THSD4: variants seen among roughly 807,000 people sequenced by gnomAD.
The protein encoded by THSD4 is thrombospondin type 1 domain containing 4.
A neutral mutation model predicts 119.0 loss-of-function variants in THSD4; 69 were observed. The ratio of observed to expected loss-of-function variants is 0.58; its 90% CI spans 0.48 to 0.71. The LOEUF (loss-of-function observed/expected upper bound fraction) is 0.71, where lower values mean the gene tolerates loss of function less well. Among genes scored for constraint, THSD4 ranks in the 30% least tolerant of loss-of-function variants. The pLI is 0.00. For missense variants in THSD4, 1,393 were observed against 1,391.1 expected (o/e 1.00, Z -0.02); for synonymous variants, 524 against 540.4 (o/e 0.97, Z 0.42).
intron 7 of THSD4, among the ~76,000 whole-genome samples, chr15:71,624,274 A>G (rs1567068069): frequency 6.6e-6 from 1 of 152,238 alleles, no homozygotes; most frequent in Non-Finnish European, 1.5e-5. Context: ...AAGCAGTCCT[A>G]TGTGGGGGAT....
intron 7 of THSD4, among the ~76,000 whole-genome samples, chr15:71,541,973 T>C (rs1401528156): frequency 3.3e-5 from 5 of 152,160 alleles, no homozygotes; most frequent in Non-Finnish European, 7.3e-5. Flanking sequence ...TTGCAAACAG[T>C]CTTGTAATTG....
intron 3 of THSD4, chr15:71,186,234 G>C (rs2043601500): frequency 6.6e-6 from 1 of 152,202 alleles, no homozygotes; most frequent in East Asian, 1.9e-4. Flanking sequence ...ATGATTCTGG[G>C]ATGAGGAATA....
intron 6 of THSD4, among the ~76,000 whole-genome samples, chr15:71,392,083 G>C (rs543431967): frequency 6.6e-6 from 1 of 152,224 alleles, no homozygotes; most frequent in Admixed American, 6.5e-5. Context: ...AGCTCAGAAG[G>C]GCTCTGACGA....
intron 6 of THSD4, among the ~76,000 whole-genome samples, chr15:71,324,100 A>T (rs528989602): frequency 6.7e-4 from 102 of 152,170 alleles, no homozygotes; most frequent in Admixed American, 1.1e-3. Context: ...CCACCATGAA[A>T]TGTTAATACC....
chr15:71,107,668 C>T (rs1187080669), intron 1 of THSD4, among the ~76,000 whole-genome samples: 1 of 152,220 alleles, frequency 6.6e-6, no homozygotes, highest in East Asian at 1.9e-4. Context: ...ACCCTTCATT[C>T]ATCCTTTGGA....
chr15:71,376,942 G>C (rs2046144657), intron 6 of THSD4, among the ~76,000 whole-genome samples: 2 of 152,210 alleles, frequency 1.3e-5, no homozygotes, highest in Admixed American at 6.5e-5. Context: ...GGAAGGTGGT[G>C]ACACCTTAAG....
At chr15:71,604,531 C>G (rs1210760468) in intron 7 of THSD4, among the ~76,000 whole-genome samples, 2 of 152,122 alleles carry the variant, frequency 1.3e-5, no homozygotes, top group African/African-American at 4.8e-5. Flanking sequence ...AGATGAGTGA[C>G]ACAGGGAATT....
chr15:71,173,567 C>CATATATATATATATAT (rs57882308), intron 3 of THSD4, among the ~76,000 whole-genome samples: 4 of 145,936 alleles, frequency 2.7e-5, no homozygotes, highest in African/African-American at 1.0e-4. Context: ...CACACACACA[C>CATATATATATATATAT]ATATATATAT....
At chr15:71,268,378 G>A (rs1263162443) in intron 6 of THSD4, among the ~76,000 whole-genome samples, 1 of 152,106 alleles carries the variant, frequency 6.6e-6, no homozygotes, top group African/African-American at 2.4e-5. Context: ...ACGAAATTAA[G>A]GCAGAAATAA....
intron 7 of THSD4, among the ~76,000 whole-genome samples, chr15:71,459,784 T>C (rs2047402061): frequency 6.6e-6 from 1 of 152,210 alleles, no homozygotes; most frequent in Non-Finnish European, 1.5e-5. Context: ...GATTGGCTCA[T>C]TGTGTGCTGC....
intron 7 of THSD4, among the ~76,000 whole-genome samples, chr15:71,450,410 A>C (rs1274942129): frequency 6.6e-6 from 1 of 152,122 alleles, no homozygotes; most frequent in African/African-American, 2.4e-5. Context: ...GGGGGAGAGT[A>C]GAACAGGAAA....
At chr15:71,588,635 C>T (rs921725806) in intron 7 of THSD4, among the ~76,000 whole-genome samples, 2 of 151,986 alleles carry the variant, frequency 1.3e-5, no homozygotes, top group Admixed American at 6.6e-5. Context: ...GGTTTCACCA[C>T]GTTACCCAGG....
At chr15:71,664,057 A>G (rs1050812255) in intron 8 of THSD4, among the ~76,000 whole-genome samples, 9 of 151,026 alleles carry the variant, frequency 6.0e-5, no homozygotes, top group Admixed American at 2.0e-4. Flanking sequence ...GTCTCAGCTC[A>G]CTGCAAGCTC....
intron 7 of THSD4, among the ~76,000 whole-genome samples, chr15:71,648,792 A>T (rs569505535): frequency 1.3e-4 from 20 of 152,310 alleles, no homozygotes; most frequent in African/African-American, 4.8e-4. Flanking sequence ...CAGACTGCCA[A>T]GGGACGCGTC....
At chr15:71,213,907 C>A (rs1385472831) in intron 3 of THSD4, among the ~76,000 whole-genome samples, 2 of 152,192 alleles carry the variant, frequency 1.3e-5, no homozygotes, top group Non-Finnish European at 2.9e-5. Flanking sequence ...ATCTTTAAAG[C>A]ACAGTGAGCC....
chr15:71,434,374 G>A (rs547482965), intron 7 of THSD4, among the ~76,000 whole-genome samples: 21 of 149,120 alleles, frequency 1.4e-4, no homozygotes, highest in South Asian at 2.1e-4. Context: ...ACCTGCCCAC[G>A]AGTTTTGGAG....
At chr15:71,507,541 C>G (rs913542525) in intron 7 of THSD4, among the ~76,000 whole-genome samples, 2 of 152,218 alleles carry the variant, frequency 1.3e-5, no homozygotes, top group Non-Finnish European at 2.9e-5. Flanking sequence ...GCTGGAGACA[C>G]TGCTCCCCGC....
At chr15:71,564,949 G>A (rs1305985508) in intron 7 of THSD4, among the ~76,000 whole-genome samples, 6 of 151,980 alleles carry the variant, frequency 3.9e-5, no homozygotes, top group South Asian at 4.1e-4. Context: ...TACTAAATGG[G>A]ATAAGGAAGA....
chr15:71,660,753 C>T lies in THSD4; in HGVS notation c.1357+19C>T, dbSNP rs781521549. ...TATTTGGGTAAGCTTGGTCTTTTTC[C>T]AGAGAAAACCGTCTGTCCCTGCCAG... On this transcript the variant is annotated intron_variant, in intron 8 of 17. Transcript: ENST00000261862. 31 of 1,613,288 alleles carry T rather than the reference C, an allele frequency of 1.9e-5. No individual in the cohort carries two copies. Among genetic ancestry groups the T allele is most frequent in the Middle Eastern group, 3.3e-4 (2 of 6,068 alleles).
Sources: allele counts gnomAD v4.1 joint callset (sites outside exome capture counted in the v4.1 genomes callset), GRCh38; gene constraint gnomAD v4.1.1; transcripts MANE v1.5; gene names NCBI Gene and HGNC (gene_info 2026-07-23, HGNC 2026-07-21).